The following ORC4 variants were observed in gnomAD, a reference collection of about 807,000 sequenced individuals.
ORC4 encodes the protein origin recognition complex subunit 4, also known as origin recognition complex, subunit 4 homolog.
Under a neutral mutation model 63.9 loss-of-function variants are expected in ORC4, and 55 were observed. The ratio of observed to expected loss-of-function variants is 0.86; its 90% CI spans 0.69 to 1.08. The LOEUF (loss-of-function observed/expected upper bound fraction) is 1.08, where lower values mean the gene tolerates loss of function less well. Ranked by LOEUF, ORC4 falls within the 50% of genes least tolerant of loss-of-function variation. ORC4 has a pLI of 0.00. For synonymous variants in ORC4, 150 were observed against 168.5 expected (o/e 0.89, Z 0.85); for missense variants, 511 against 504.4 (o/e 1.01, Z -0.13).
intron 1 of ORC4, among the ~76,000 whole-genome samples, chr2:147,987,065 G>A (rs1225192433): frequency 1.3e-5 from 2 of 151,402 alleles, no homozygotes; most frequent in Non-Finnish European, 2.9e-5. Context: ...GGGTCTCACT[G>A]TATTGCACAA....
At chr2:147,968,810 C>T (rs1690045201) in intron 4 of ORC4, among the ~76,000 whole-genome samples, 1 of 151,872 alleles carries the variant, frequency 6.6e-6, no homozygotes, top group African/African-American at 2.4e-5. Flanking sequence ...GAAATCATTA[C>T]ATCAGAGAGA....
chr2:147,955,467 T>C, intron 6 of ORC4, 72 bp from the exon 7 acceptor site: 1 of 1,045,116 alleles, frequency 9.6e-7, no homozygotes, highest in Admixed American at 1.8e-5. Context: ...TGTCTGATTC[T>C]CAAATTTTAT....
chr2:147,962,383 CCTG>C (rs1340192411), intron 4 of ORC4, among the ~76,000 whole-genome samples: 4 of 152,134 alleles, frequency 2.6e-5, no homozygotes, highest in Non-Finnish European at 5.9e-5. Context: ...GCCAACCTGC[CCTG>C]CTGCAGCATG....
chr2:148,016,667 TG>T (rs1225490100), intron 1 of ORC4, among the ~76,000 whole-genome samples: 1 of 152,206 alleles, frequency 6.6e-6, no homozygotes, highest in Non-Finnish European at 1.5e-5. Flanking sequence ...CAAGAGTTTG[TG>T]GAATCCTGAA....
chr2:147,985,201 T>C (rs1384934347), intron 1 of ORC4, among the ~76,000 whole-genome samples: 1 of 152,116 alleles, frequency 6.6e-6, no homozygotes, highest in South Asian at 2.1e-4. Flanking sequence ...TTTTTTTTGT[T>C]TTTTTGTTTT....
At chr2:148,005,064 C>T (rs1248000018) in intron 1 of ORC4, among the ~76,000 whole-genome samples, 1 of 152,106 alleles carries the variant, frequency 6.6e-6, no homozygotes, top group African/African-American at 2.4e-5. Context: ...GGGTATATAC[C>T]CAAAGGATTA....
At chr2:147,979,146 C>G (rs961910272) in intron 1 of ORC4, among the ~76,000 whole-genome samples, 9 of 151,836 alleles carry the variant, frequency 5.9e-5, no homozygotes, top group African/African-American at 2.2e-4. Flanking sequence ...TAAAAGGCAT[C>G]CAAATCAAAA....
At chr2:147,991,521 A>G (rs1340040900) in intron 1 of ORC4, among the ~76,000 whole-genome samples, 3 of 152,148 alleles carry the variant, frequency 2.0e-5, no homozygotes, top group African/African-American at 7.2e-5. Flanking sequence ...TTCAGTAAAG[A>G]AAGACATTTA....
intron 1 of ORC4, among the ~76,000 whole-genome samples, chr2:147,993,758 C>T (rs935703081): frequency 6.6e-6 from 1 of 152,118 alleles, no homozygotes. Flanking sequence ...TGGCTTAGAA[C>T]TTTGGTACCC....
At chr2:148,007,700 T>G (rs1474556675) in intron 1 of ORC4, among the ~76,000 whole-genome samples, 1 of 152,108 alleles carries the variant, frequency 6.6e-6, no homozygotes, top group African/African-American at 2.4e-5. Flanking sequence ...GAGAAAGATA[T>G]GAATATACAG....
chr2:147,933,064 C>T lies in ORC4; in HGVS notation c.*2446G>A, dbSNP rs921824992. 1 of 151,518 alleles carries T rather than the reference C, an allele frequency of 6.6e-6. No individual in the cohort carries two copies. Among genetic ancestry groups the T allele is most frequent in the African/African-American group, 2.4e-5 (1 of 40,912 alleles). The allele number at this position is 151,518 out of a possible 1,614,324, so 9.4% of individuals were successfully genotyped here. On this transcript the variant is annotated 3_prime_UTR_variant, in exon 14 of 14. Coordinates refer to ENST00000392857, the MANE Select transcript of ORC4 (RefSeq NM_181741.4). ...AACAAGAATTCCGTTTCTGCTGGGC[C>T]ACTTGGATCCCTTGGATTCAGATGT...
chr2:148,010,134 T>C (rs1692863766), intron 1 of ORC4, among the ~76,000 whole-genome samples: 1 of 152,084 alleles, frequency 6.6e-6, no homozygotes, highest in African/African-American at 2.4e-5. Flanking sequence ...TTAAAAAATG[T>C]CTTGAAACAA....
chr2:147,944,244 A>C lies in ORC4; in HGVS notation c.763-722T>G, dbSNP rs957191736. On this transcript the variant is annotated intron_variant, in intron 9 of 13. Transcript: ENST00000392857. ...AAATCAAACATGATCTATGGGAAAC[A>C]AAATGGCCTGTGAAAAGTGAAATGT... Among the ~76,000 whole-genome samples, 3 of 152,274 alleles carry C rather than the reference A, an allele frequency of 2.0e-5. No individual in the cohort carries two copies. The East Asian group carries it at 5.8e-4, about 29-fold the overall frequency.
At chr2:147,958,211 C>T in intron 6 of ORC4, 87 bp downstream of exon 6, 1 of 839,268 alleles carries the variant, frequency 1.2e-6, no homozygotes, top group Non-Finnish European at 1.9e-6. Context: ...GAACCTCTCC[C>T]TACCCTTCCA....
rs2105285580 is a variant in ORC4, at chr2:147,947,926, AC to A, written c.762+124del. 3 of 733,414 alleles carry A rather than the reference AC, an allele frequency of 4.1e-6. No homozygotes were observed. The Admixed American group carries it at 7.0e-5, about 17-fold the overall frequency. 45.4% of individuals were successfully genotyped at this position (733,414 alleles called of 1,614,324 possible). ...TTTTAAAAAGTATATAATTTGTATTACTGCAGCATTATCCTTCAGCAATATT... is the reference window on the plus strand; with the variant it reads ...TTTTAAAAAGTATATAATTTGTATTATGCAGCATTATCCTTCAGCAATATT... On this transcript the variant is annotated intron_variant, in intron 9 of 13. Transcript: ENST00000392857.
intron 7 of ORC4, among the ~76,000 whole-genome samples, chr2:147,953,259 CA>C (rs1689064439): frequency 6.6e-6 from 1 of 151,804 alleles, no homozygotes; most frequent in Non-Finnish European, 1.5e-5. Flanking sequence ...GAGCTGAGAT[CA>C]CACCATTGTA....
chr2:148,002,212 A>C (rs1012883094), intron 1 of ORC4, among the ~76,000 whole-genome samples: 2 of 152,188 alleles, frequency 1.3e-5, no homozygotes, highest in African/African-American at 4.8e-5. Context: ...AACAAGACAG[A>C]AAATTAACAA....
intron 1 of ORC4, among the ~76,000 whole-genome samples, chr2:147,985,505 T>C (rs540085969): frequency 1.2e-4 from 18 of 152,244 alleles, no homozygotes; most frequent in African/African-American, 4.1e-4. Flanking sequence ...CTTAGTAAAC[T>C]CTCTTAACAT....
intron 1 of ORC4, among the ~76,000 whole-genome samples, chr2:147,980,735 T>C (rs771576450): frequency 1.9e-4 from 29 of 152,168 alleles, no homozygotes; most frequent in Non-Finnish European, 3.2e-4. Flanking sequence ...TTGAGGATTA[T>C]GAAGAAAGGA....
Sources: gnomAD v4.1 joint callset for allele counts (sites outside exome capture counted in the v4.1 genomes callset) on GRCh38, gnomAD v4.1.1 for gene constraint, MANE v1.5 for transcripts, NCBI Gene and HGNC (gene_info 2026-07-23, HGNC 2026-07-21) for gene names.